The following PIWIL1 variants were observed in gnomAD, a reference collection of about 807,000 sequenced individuals.
The protein encoded by PIWIL1 is piwi-like protein 1.
A neutral mutation model predicts 114.4 loss-of-function variants in PIWIL1; 73 were observed. The observed-to-expected ratio is 0.64, with a 90% CI of 0.53 to 0.78. PIWIL1 has a LOEUF of 0.78. Ranked by LOEUF, PIWIL1 falls within the 30% of genes least tolerant of loss-of-function variation. PIWIL1 has a pLI of 0.00. For synonymous variants in PIWIL1, 375 were observed against 369.0 expected, an observed-to-expected ratio of 1.02 and a Z score of -0.19; for missense variants, 723 against 1,063.1, an observed-to-expected ratio of 0.68 and a Z score of 4.45.
At position 130,354,965 on chromosome 12, in the gene PIWIL1, A is replaced by C. The variant is rs1420665605; in HGVS notation, c.1249A>C (p.Arg417=). The change falls in exon 11 of 21, where the codon AGG becomes CGG. Residue 417 remains arginine, a synonymous_variant. Transcript: ENST00000245255. Reference sequence around the variant, plus strand: ...TCATACAAGACTAACTCCAGAGCAAAGGCAGCGTGAAGTGGGACGACTCAT... The same window carrying C: ...TCATACAAGACTAACTCCAGAGCAACGGCAGCGTGAAGTGGGACGACTCAT... ...AVHTRLTPEQ[R]QREVGRLIDY... 1 of 1,613,400 alleles carries C rather than the reference A, an allele frequency of 6.2e-7. No individual in the cohort carries two copies. The highest frequency in any genetic ancestry group is 8.5e-7 in the Non-Finnish European group (1 of 1,179,344).
rs765644098 is a variant in PIWIL1, at chr12:130,371,481, G to T, written c.2470-1G>T. Reference sequence around the variant, plus strand: ...AGAACCTTTTTTTCCTTCCACTAAAGGGTGTCATTCGTGTTCCTGCTCCTT... The same window carrying T: ...AGAACCTTTTTTTCCTTCCACTAAATGGTGTCATTCGTGTTCCTGCTCCTT... On this transcript the variant is annotated splice_acceptor_variant, in intron 20 of 20. Transcript: ENST00000245255. LOFTEE classifies it high-confidence loss of function. 4 of 1,613,630 alleles carry T rather than the reference G, an allele frequency of 2.5e-6. No individual in the cohort carries two copies. Among genetic ancestry groups the T allele is most frequent in the Non-Finnish European group, 2.5e-6 (3 of 1,179,654 alleles).
At chr12:130,355,703 T>C in intron 12 of PIWIL1, 36 bp downstream of exon 12, 1 of 1,402,878 alleles carries the variant, frequency 7.1e-7, no homozygotes, top group Non-Finnish European at 1.0e-6. Context: ...TTGTTGTTTT[T>C]GAGACGGAGT....
chr12:130,348,855 G>A (rs1156228574), intron 7 of PIWIL1, among the ~76,000 whole-genome samples: 7 of 152,120 alleles, frequency 4.6e-5, no homozygotes, highest in South Asian at 2.1e-4. Context: ...AGCCGAGATC[G>A]TGCCAACTCC....
At chr12:130,400,516 C>A in the PIWIL1 span, among the ~76,000 whole-genome samples, 1 of 152,124 alleles carries the variant, frequency 6.6e-6, no homozygotes, top group African/African-American at 2.4e-5. Context: ...ACAGGCCTAC[C>A]ACGTCACTTC....
At chr12:130,423,656 C>CA in the PIWIL1 span, among the ~76,000 whole-genome samples, 122 of 50,120 alleles carry the variant, frequency 2.4e-3, 1 homozygote, top group African/African-American at 5.0e-3. Context: ...AAACAATATG[C>CA]AAAAAAAAAA....
intron 18 of PIWIL1, among the ~76,000 whole-genome samples, chr12:130,363,612 C>T (rs1452832373): frequency 1.2e-5 from 1 of 82,432 alleles, no homozygotes; most frequent in Non-Finnish European, 2.1e-5. Flanking sequence ...TACTTTCTCC[C>T]TTTTTTTTTT....
chr12:130,395,411 G>T, the PIWIL1 span, among the ~76,000 whole-genome samples: 1 of 152,138 alleles, frequency 6.6e-6, no homozygotes, highest in East Asian at 1.9e-4. Context: ...CCTCAGGGTG[G>T]GTGCTTTGGT....
At chr12:130,393,043 C>G in the PIWIL1 span, among the ~76,000 whole-genome samples, 555 of 42,546 alleles carry the variant, frequency 0.013, no homozygotes, top group Middle Eastern at 0.045. Flanking sequence ...TCACGTGTGT[C>G]CGTCAGTTAC....
chr12:130,381,982 CT>C, the PIWIL1 span, among the ~76,000 whole-genome samples: 2 of 152,138 alleles, frequency 1.3e-5, no homozygotes, highest in Non-Finnish European at 2.9e-5. Context: ...TTTTTGGCCC[CT>C]TTTTTAATCA....
intron 18 of PIWIL1, among the ~76,000 whole-genome samples, chr12:130,365,942 C>T (rs764157616): frequency 1.3e-5 from 2 of 152,200 alleles, no homozygotes; most frequent in African/African-American, 4.8e-5. Context: ...CAGTAGTCTG[C>T]GTAGGCAGAT....
intron 19 of PIWIL1, 58 bp from the exon 20 acceptor site, chr12:130,371,118 A>ACC: frequency 6.9e-7 from 1 of 1,444,842 alleles, no homozygotes; most frequent in Non-Finnish European, 9.7e-7. Flanking sequence ...CACTGTAAGA[A>ACC]ACTGGAATCA....
At chr12:130,378,898 T>G in the PIWIL1 span, among the ~76,000 whole-genome samples, 1 of 152,244 alleles carries the variant, frequency 6.6e-6, no homozygotes, top group African/African-American at 2.4e-5. Context: ...AGTTTCTGGC[T>G]TGCTGTTTTG....
chr12:130,389,062 T>A, the PIWIL1 span, among the ~76,000 whole-genome samples: 4 of 152,300 alleles, frequency 2.6e-5, no homozygotes, highest in African/African-American at 9.6e-5. Flanking sequence ...TCTATTGAGA[T>A]GATAATATGG....
chr12:130,372,136 G>A lies in PIWIL1; in HGVS notation c.*538G>A, dbSNP rs1003551920. On this transcript the variant is annotated 3_prime_UTR_variant, in exon 21 of 21. Coordinates refer to ENST00000245255, the MANE Select transcript of PIWIL1 (RefSeq NM_004764.5). ...GAGAAAATATGCTTGATTTTTATTT[G>A]GCAGGGGGGCTAGGTTGTATGGGAG... 1 of 152,026 alleles carries A rather than the reference G, an allele frequency of 6.6e-6. No individual in the cohort carries two copies. Among genetic ancestry groups the A allele is most frequent in the African/African-American group, 2.4e-5 (1 of 41,382 alleles). 9.4% of individuals were successfully genotyped at this position (152,026 alleles called of 1,614,324 possible). A position where few individuals can be genotyped will look rare whatever the true frequency, so the allele number is the denominator to read the frequency against.
the PIWIL1 span, among the ~76,000 whole-genome samples, chr12:130,409,509 A>T: frequency 5.3e-5 from 8 of 151,576 alleles, no homozygotes; most frequent in East Asian, 1.6e-3. Flanking sequence ...CGCCCGGCTA[A>T]TTTTTTTGTA....
downstream of PIWIL1, among the ~76,000 whole-genome samples, chr12:130,375,191 A>G (rs2136207645): frequency 6.6e-6 from 1 of 152,156 alleles, no homozygotes; most frequent in Non-Finnish European, 1.5e-5. Flanking sequence ...CTTTCCTTCT[A>G]ATTCTTGGCT....
At chr12:130,375,422 C>G (rs1169476434), downstream of PIWIL1, among the ~76,000 whole-genome samples, 2 of 152,208 alleles carry the variant, frequency 1.3e-5, no homozygotes, top group African/African-American at 4.8e-5. Context: ...ACCACCACCT[C>G]CATCCGCATT....
intron 11 of PIWIL1, 71 bp downstream of exon 11, chr12:130,355,076 T>C: frequency 1.1e-6 from 1 of 928,938 alleles, no homozygotes; most frequent in Non-Finnish European, 1.8e-6. Flanking sequence ...TTGAGGGGTA[T>C]CTTTTGAGGG....
At chr12:130,359,448 T>C (rs1268525264) in intron 14 of PIWIL1, among the ~76,000 whole-genome samples, 2 of 152,182 alleles carry the variant, frequency 1.3e-5, no homozygotes, top group Non-Finnish European at 2.9e-5. Flanking sequence ...CATGCCCTGT[T>C]CCCATAACCA....
Sources: allele counts gnomAD v4.1 joint callset (sites outside exome capture counted in the v4.1 genomes callset), GRCh38; gene constraint gnomAD v4.1.1; transcripts MANE v1.5; gene names NCBI Gene and HGNC (gene_info 2026-07-23, HGNC 2026-07-21).